The following PHF21B variants were observed in gnomAD, a reference collection of about 807,000 sequenced individuals.
PHF21B encodes PHD finger protein 4.
A neutral mutation model predicts 62.2 loss-of-function variants in PHF21B; 22 were observed. The observed-to-expected ratio is 0.35, with a 90% CI of 0.25 to 0.51. The LOEUF (loss-of-function observed/expected upper bound fraction) is 0.51, where lower values mean the gene tolerates loss of function less well. Ranked by LOEUF, PHF21B falls within the 20% of genes least tolerant of loss-of-function variation. PHF21B has a pLI of 0.97. For missense variants in PHF21B, 701 were observed against 707.9 expected (o/e 0.99, Z 0.11); for synonymous variants, 341 against 314.7 (o/e 1.08, Z -0.88).
At chr22:44,898,009 A>C (rs5766172) in intron 5 of PHF21B, among the ~76,000 whole-genome samples, 1 of 151,852 alleles carries the variant, frequency 6.6e-6, no homozygotes, top group Admixed American at 6.6e-5. Context: ...AGGTCTTGCT[A>C]TGTTACCCAG....
chr22:44,927,248 G>A (rs1399219663), intron 2 of PHF21B, among the ~76,000 whole-genome samples: 3 of 151,488 alleles, frequency 2.0e-5, no homozygotes, highest in East Asian at 2.0e-4. Context: ...ACCCGCAGGA[G>A]GCCGGCAACA....
At chr22:44,992,516 C>A (rs1264782328) in intron 2 of PHF21B, among the ~76,000 whole-genome samples, 1 of 152,262 alleles carries the variant, frequency 6.6e-6, no homozygotes, top group African/African-American at 2.4e-5. Flanking sequence ...CCACATCAAA[C>A]CTTGGAAAAC....
intron 2 of PHF21B, among the ~76,000 whole-genome samples, chr22:44,941,977 AG>A (rs745652488): frequency 1.3e-5 from 2 of 152,176 alleles, no homozygotes; most frequent in Non-Finnish European, 2.9e-5. Context: ...CACTTCCCAG[AG>A]GAGATGACAA....
chr22:44,890,730 A>G (rs1364197150), intron 8 of PHF21B, among the ~76,000 whole-genome samples: 1 of 152,236 alleles, frequency 6.6e-6, no homozygotes, highest in East Asian at 1.9e-4. Context: ...CTGGCAGAGG[A>G]GGGAGGGGCC....
At chr22:44,883,984 C>T (rs1279243000) in intron 12 of PHF21B, among the ~76,000 whole-genome samples, 1 of 150,362 alleles carries the variant, frequency 6.7e-6, no homozygotes, top group African/African-American at 2.5e-5. Flanking sequence ...ATCATTACCA[C>T]CATCACCACC....
chr22:44,887,569 A>G (rs527571242), intron 10 of PHF21B, among the ~76,000 whole-genome samples: 63 of 152,082 alleles, frequency 4.1e-4, no homozygotes, highest in African/African-American at 1.5e-3. Flanking sequence ...AGCCTGGCCA[A>G]CATGGTGAAA....
intron 5 of PHF21B, among the ~76,000 whole-genome samples, chr22:44,906,255 G>C (rs1411956821): frequency 6.6e-6 from 1 of 152,206 alleles, no homozygotes; most frequent in Non-Finnish European, 1.5e-5. Flanking sequence ...CTTCCTGATG[G>C]ACGGGGTGCT....
intron 2 of PHF21B, among the ~76,000 whole-genome samples, chr22:44,944,822 A>C (rs2072031706): frequency 8.2e-6 from 1 of 122,024 alleles, no homozygotes; most frequent in African/African-American, 2.9e-5. Context: ...ATGGGTTCAG[A>C]AGCTCTAATG....
intron 2 of PHF21B, among the ~76,000 whole-genome samples, chr22:44,928,534 C>T (rs1029434931): frequency 5.9e-5 from 9 of 152,232 alleles, no homozygotes; most frequent in Admixed American, 3.9e-4. Context: ...CTCAGCCTCC[C>T]GAGTAGCTGG....
At chr22:44,951,241 C>G (rs1419638197) in intron 2 of PHF21B, among the ~76,000 whole-genome samples, 1 of 152,200 alleles carries the variant, frequency 6.6e-6, no homozygotes, top group Non-Finnish European at 1.5e-5. Flanking sequence ...CGCCTCAGCT[C>G]CACCGCAGAT....
At chr22:44,891,748 T>C (rs577415962) in intron 7 of PHF21B, among the ~76,000 whole-genome samples, 1 of 152,370 alleles carries the variant, frequency 6.6e-6, no homozygotes, top group South Asian at 2.1e-4. Flanking sequence ...ATGGGTGTTA[T>C]AGACTGGCTC....
At chr22:44,923,157 G>T (rs2071567505) in intron 2 of PHF21B, among the ~76,000 whole-genome samples, 1 of 152,140 alleles carries the variant, frequency 6.6e-6, no homozygotes, top group African/African-American at 2.4e-5. Flanking sequence ...CAATGGAACA[G>T]AACAGAGAGT....
chr22:44,942,991 AG>A (rs2071989464), intron 2 of PHF21B, among the ~76,000 whole-genome samples: 3 of 76,154 alleles, frequency 3.9e-5, no homozygotes, highest in African/African-American at 1.4e-4. Flanking sequence ...CCCAGCAGGG[AG>A]GGACCCCCCC....
chr22:44,939,106 A>G (rs559514748), intron 2 of PHF21B, among the ~76,000 whole-genome samples: 3 of 152,354 alleles, frequency 2.0e-5, no homozygotes, highest in African/African-American at 4.8e-5. Flanking sequence ...CCTTCTGCCA[A>G]GACCCCTTAG....
chr22:44,914,147 G>A, intron 4 of PHF21B, 59 bp from the exon 5 acceptor site: 2 of 577,718 alleles, frequency 3.5e-6, no homozygotes, highest in Non-Finnish European at 3.1e-6. Flanking sequence ...GGCTGGGGAG[G>A]TAGCTGGTAT....
chr22:44,950,575 G>GTT (rs975377106), intron 2 of PHF21B, among the ~76,000 whole-genome samples: 2 of 147,102 alleles, frequency 1.4e-5, no homozygotes, highest in South Asian at 2.2e-4. Context: ...TCGTGTTCGT[G>GTT]TTTTTTTTTT....
chr22:44,961,014 T>G (rs529868507), intron 2 of PHF21B, among the ~76,000 whole-genome samples: 4 of 143,956 alleles, frequency 2.8e-5, no homozygotes, highest in African/African-American at 1.0e-4. Flanking sequence ...TGGAGTGCAG[T>G]GGCGCGATCT....
Position 45,009,713 on chromosome 22 carries a change from A to T in PHF21B, c.-164T>A. 3 of 596,802 alleles carry T rather than the reference A, an allele frequency of 5.0e-6. No homozygotes were observed. Among genetic ancestry groups the T allele is most frequent in the Non-Finnish European group, 8.0e-6 (3 of 375,572 alleles). The allele number at this position is 596,802 out of a possible 1,614,324, so 37.0% of individuals were successfully genotyped here. A position where few individuals can be genotyped will look rare whatever the true frequency, so the allele number is the denominator to read the frequency against. ...CGGCCGAAAGGGAAGGGGGCTGGCG[A>T]AGGGGAAGACAGGCTTCCGGGCGCC... On this transcript the variant is annotated 5_prime_UTR_variant, in exon 1 of 13. Coordinates refer to ENST00000313237, the MANE Select transcript of PHF21B (RefSeq NM_138415.5). The surrounding 1 kb of genome is among the most constrained non-coding windows in gnomAD (Gnocchi z 5.9).
chr22:44,903,270 G>C (rs1364614436), intron 5 of PHF21B, among the ~76,000 whole-genome samples: 17 of 151,842 alleles, frequency 1.1e-4, no homozygotes, highest in Admixed American at 9.8e-4. Flanking sequence ...ATGGACTTCT[G>C]ATCTTCAGGG....
Sources: gnomAD v4.1 joint callset for allele counts (sites outside exome capture counted in the v4.1 genomes callset) on GRCh38, gnomAD v4.1.1 for gene constraint, Gnocchi (gnomAD v3.1) non-coding constraint, MANE v1.5 for transcripts, NCBI Gene and HGNC (gene_info 2026-07-23, HGNC 2026-07-21) for gene names.